RAD51B: variants seen among roughly 807,000 people sequenced by gnomAD.
RAD51B encodes the protein RAD51 paralog B.
A neutral mutation model predicts 42.2 loss-of-function variants in RAD51B; 38 were observed. That is an observed-to-expected ratio of 0.90 (90% CI 0.70 to 1.18). The LOEUF (loss-of-function observed/expected upper bound fraction) is 1.18, where lower values mean the gene tolerates loss of function less well. Among genes scored for constraint, RAD51B ranks in the 50% most tolerant of loss-of-function variants. The pLI is 0.00. For missense variants in RAD51B, 373 were observed against 400.7 expected, an observed-to-expected ratio of 0.93 and a Z score of 0.59; for synonymous variants, 154 against 145.2, an observed-to-expected ratio of 1.06 and a Z score of -0.43.
chr14:67,825,876 C>A (rs7154440), intron 3 of RAD51B, among the ~76,000 whole-genome samples: 2 of 152,002 alleles, frequency 1.3e-5, no homozygotes, highest in East Asian at 1.9e-4. Context: ...ATTACAGGCA[C>A]GGTGCTACCA....
intron 9 of RAD51B, among the ~76,000 whole-genome samples, chr14:68,425,339 T>C (rs1316781768): frequency 6.6e-6 from 1 of 152,238 alleles, no homozygotes. Context: ...AAGTAGTAGT[T>C]TACTTAATGG....
At chr14:68,619,742 G>C (rs943581731) in intron 10 of RAD51B, among the ~76,000 whole-genome samples, 1 of 152,184 alleles carries the variant, frequency 6.6e-6, no homozygotes, top group Non-Finnish European at 1.5e-5. Flanking sequence ...CCAGATCCCT[G>C]TCCTAAGAAA....
rs558125678 is a variant in RAD51B, at chr14:67,868,902, A to C, written c.452+3763A>C. ...TGTCTGTTAGAAGGAAAACTAACAA[A>C]CAGAAAGGACATCCACACCAAAAAC... On this transcript the variant is annotated intron_variant, in intron 5 of 10. Transcript: ENST00000471583. Among the ~76,000 whole-genome samples, 21 of 152,394 alleles carry C rather than the reference A, an allele frequency of 1.4e-4. No individual in the cohort carries two copies. The East Asian group carries it at 4.0e-3, about 29-fold the overall frequency.
intron 10 of RAD51B, among the ~76,000 whole-genome samples, chr14:68,535,692 A>C (rs1277649306): frequency 1.3e-5 from 2 of 152,194 alleles, no homozygotes; most frequent in Non-Finnish European, 2.9e-5. Flanking sequence ...GTGGAAAAGT[A>C]AAGGAACATT....
chr14:68,110,526 T>C (rs1430472531), intron 7 of RAD51B, among the ~76,000 whole-genome samples: 1 of 152,078 alleles, frequency 6.6e-6, no homozygotes, highest in Non-Finnish European at 1.5e-5. Context: ...CCAAAAGTCT[T>C]ATTGGTGAGA....
intron 10 of RAD51B, among the ~76,000 whole-genome samples, chr14:68,490,429 G>A (rs1481191296): frequency 1.3e-5 from 2 of 152,124 alleles, no homozygotes; most frequent in Non-Finnish European, 2.9e-5. Flanking sequence ...AAATTGAAAG[G>A]TTTTAAAGGC....
At chr14:68,333,904 T>C (rs1347959809) in intron 8 of RAD51B, among the ~76,000 whole-genome samples, 1 of 152,178 alleles carries the variant, frequency 6.6e-6, no homozygotes, top group African/African-American at 2.4e-5. Context: ...CAATTGTGTA[T>C]CCTTTGACCA....
intron 8 of RAD51B, among the ~76,000 whole-genome samples, chr14:68,381,439 G>C (rs954362995): frequency 6.6e-6 from 1 of 152,130 alleles, no homozygotes. Flanking sequence ...ACTTTGGGAG[G>C]CCGAGGCAGG....
intron 7 of RAD51B, among the ~76,000 whole-genome samples, chr14:68,245,994 G>A (rs1322248497): frequency 6.6e-6 from 1 of 152,028 alleles, no homozygotes. Context: ...AAGCCTTCAG[G>A]GCTGCTGTAA....
chr14:68,459,116 G>C (rs1289038165), intron 9 of RAD51B, among the ~76,000 whole-genome samples: 1 of 152,156 alleles, frequency 6.6e-6, no homozygotes, highest in Non-Finnish European at 1.5e-5. Flanking sequence ...AGGATCACTG[G>C]GTACACTTCA....
intron 8 of RAD51B, among the ~76,000 whole-genome samples, chr14:68,355,389 T>C (rs2082879382): frequency 6.6e-6 from 1 of 152,220 alleles, no homozygotes; most frequent in Non-Finnish European, 1.5e-5. Flanking sequence ...TGTTACTGGC[T>C]TCATTCTGAT....
At position 68,355,824 on chromosome 14, in the gene RAD51B, T is replaced by C. The variant is rs942151423; in HGVS notation, c.854-55600T>C. On this transcript the variant is annotated intron_variant, in intron 8 of 10. Coordinates refer to ENST00000471583, the MANE Select transcript of RAD51B (RefSeq NM_133510.4). ...TAGAAAACAAGAGTGTACTTTCTCA[T>C]TGTGGACAACTCTATGTCCATAAAT... is the stretch of plus-strand genomic sequence containing the variant. 4.6e-5 allele frequency among the ~76,000 whole-genome samples: 7 copies of C among 152,376 alleles called. No homozygotes were observed. The South Asian group carries it at 1.4e-3, about 32-fold the overall frequency.
At chr14:68,025,966 A>G (rs1377559453) in intron 7 of RAD51B, among the ~76,000 whole-genome samples, 1 of 152,014 alleles carries the variant, frequency 6.6e-6, no homozygotes, top group African/African-American at 2.4e-5. Context: ...AGATATTTCT[A>G]ACTTCTTGAT....
At chr14:68,567,877 T>C (rs937412009) in intron 10 of RAD51B, among the ~76,000 whole-genome samples, 9 of 152,226 alleles carry the variant, frequency 5.9e-5, no homozygotes, top group Admixed American at 5.2e-4. Flanking sequence ...GATTCTACCA[T>C]AGTGCCTGGC....
At chr14:68,403,333 G>T (rs2084170617) in intron 8 of RAD51B, among the ~76,000 whole-genome samples, 1 of 149,372 alleles carries the variant, frequency 6.7e-6, no homozygotes, top group South Asian at 2.1e-4. Context: ...TTTTTAACAT[G>T]GAAAAGCATT....
At position 68,164,009 on chromosome 14, in the gene RAD51B, C is replaced by T. The variant is rs549559216; in HGVS notation, c.757-127875C>T. Among the ~76,000 whole-genome samples the T allele has an allele frequency of 3.2e-4, 48 of 152,240 alleles. 3 individuals are homozygous for T. In the South Asian group the frequency reaches 9.7e-3, roughly 31 times the overall value. On this transcript the variant is annotated intron_variant, in intron 7 of 10. Coordinates refer to ENST00000471583, the MANE Select transcript of RAD51B (RefSeq NM_133510.4). ...AAATGTTCTTGAAGATTTGAAATTT[C>T]TTATCTGTTTACAAACATTTTCCTG...
intron 8 of RAD51B, among the ~76,000 whole-genome samples, chr14:68,315,607 C>A (rs1254260730): frequency 1.3e-5 from 2 of 152,076 alleles, no homozygotes; most frequent in Admixed American, 1.3e-4. Context: ...CTGCAAGCTC[C>A]ACCTCCCGGG....
At chr14:68,328,657 C>T (rs752981289) in intron 8 of RAD51B, among the ~76,000 whole-genome samples, 7 of 152,222 alleles carry the variant, frequency 4.6e-5, no homozygotes, top group Non-Finnish European at 1.0e-4. Context: ...TAGAGGTTGT[C>T]TCTGAACTTG....
At chr14:67,908,653 G>A (rs567036554) in intron 7 of RAD51B, 1 of 152,198 alleles carries the variant, frequency 6.6e-6, no homozygotes, top group East Asian at 1.9e-4. Context: ...GAGTAGTGTG[G>A]CCACAGCAGT....
Sources: gnomAD v4.1 joint callset for allele counts (sites outside exome capture counted in the v4.1 genomes callset) on GRCh38, gnomAD v4.1.1 for gene constraint, MANE v1.5 for transcripts, NCBI Gene and HGNC (gene_info 2026-07-23, HGNC 2026-07-21) for gene names.